FAT2: variants seen among roughly 807,000 people sequenced by gnomAD.
FAT2 encodes the protein protocadherin Fat 2.
FAT2 carries 150 observed loss-of-function variants against 295.3 expected under a neutral mutation model. That is an observed-to-expected ratio of 0.51 (90% confidence interval 0.44 to 0.58). The LOEUF is 0.58. Ranked by LOEUF, FAT2 falls within the 20% of genes least tolerant of loss-of-function variation. The pLI, the probability that FAT2 is intolerant of heterozygous loss-of-function variation, is 0.00. For missense variants in FAT2, 4,868 were observed against 5,442.7 expected, an observed-to-expected ratio of 0.89 and a Z score of 3.32; for synonymous variants, 2,026 against 2,150.3, an observed-to-expected ratio of 0.94 and a Z score of 1.60.
At chr5:151,571,430 C>T (rs771402055) in intron 1 of FAT2, among the ~76,000 whole-genome samples, 19 of 152,218 alleles carry the variant, frequency 1.2e-4, no homozygotes, top group Non-Finnish European at 2.6e-4. Flanking sequence ...TCCTGTTCAC[C>T]AGGTCAGCAC....
At chr5:151,589,642 C>G (rs772918281) in intron 1 of FAT2, among the ~76,000 whole-genome samples, 6 of 152,024 alleles carry the variant, frequency 3.9e-5, no homozygotes, top group African/African-American at 7.3e-5. Context: ...ATGCCTGTAA[C>G]CCCAGCACTT....
Position 151,567,085 on chromosome 5 carries a change from G to A in FAT2, c.1847C>T (p.Ser616Phe). The stretch of plus-strand genomic sequence containing the variant: ...AGGGCGTTTGAGGGATATCACTCCG[G>A]AGAAATGATTTAGATCAAAATACTC... ...ELEYFDLNHF[S>F]GVISLKRPFI... The change falls in exon 2 of 24, where the codon TCC (serine) becomes TTC (phenylalanine). Residue 616 changes from serine to phenylalanine, a missense_variant. This residue lies in a region of FAT2 where 3,297 missense variants were observed against 3,669.4 expected (regional missense o/e 0.90). Transcript: ENST00000261800. The A allele has an allele frequency of 6.2e-7, 1 of 1,614,120 alleles. No individual in the cohort carries two copies.
chr5:151,532,886 G>C (rs573767168), intron 13 of FAT2, among the ~76,000 whole-genome samples: 1 of 152,216 alleles, frequency 6.6e-6, no homozygotes. Context: ...GGTGACAGGA[G>C]TAGCCTCTGA....
upstream of FAT2, among the ~76,000 whole-genome samples, chr5:151,592,928 G>A (rs1303852670): frequency 6.6e-6 from 1 of 152,202 alleles, no homozygotes; most frequent in Admixed American, 6.5e-5. Context: ...TGCAGCTGCT[G>A]CAGCCACTGT....
intron 22 of FAT2, chr5:151,509,797 C>A: frequency 1.9e-6 from 1 of 528,154 alleles, no homozygotes; most frequent in African/African-American, 1.9e-5. Context: ...ATCCTGAAAC[C>A]ATCTCCCGTT....
Position 151,521,716 on chromosome 5 carries a change from G to A in FAT2, c.10877C>T (p.Ala3626Val). Residue 3626 changes from alanine to valine, a missense_variant, in exon 19 of 24, where the codon GCT (alanine) becomes GTT (valine). Physicochemically the swap from Ala to Val is moderately conservative, Grantham distance 64 (BLOSUM62 0). This residue lies in a region of FAT2 where 1,046 missense variants were observed against 1,210.1 expected (regional missense o/e 0.86). Transcript: ENST00000261800. ...HVYVWHVGQE[A>V]LQQAMWMGFY... The stretch of plus-strand genomic sequence containing the variant: ...GCCCATCCACATGGCCTGCTGCAGA[G>A]CCTCCTGCCCCACATGCCACACGTA... 6.2e-7 allele frequency: 1 copy of A among 1,613,978 alleles called. No individual in the cohort carries two copies. The highest frequency in any genetic ancestry group is 2.2e-5 in the East Asian group (1 of 44,876).
At chr5:151,510,794 A>C (rs1262708024) in intron 21 of FAT2, 1 of 152,406 alleles carries the variant, frequency 6.6e-6, no homozygotes, top group Non-Finnish European at 1.5e-5. Context: ...CTAGGCAAGA[A>C]GCTAGAGGGC....
At chr5:151,518,837 C>G (rs74798925) in intron 19 of FAT2, among the ~76,000 whole-genome samples, 2,273 of 152,266 alleles carry the variant, frequency 0.015, 53 homozygotes, top group African/African-American at 0.05. Context: ...CTGCCCTCCC[C>G]AGATTTTAAA....
rs1761224870 is a variant in FAT2, at chr5:151,510,331, C to T, written c.11906-157G>A. On this transcript the variant is annotated intron_variant, in intron 21 of 23. Transcript: ENST00000261800. The stretch of plus-strand genomic sequence containing the variant: ...CAATACCGTGCTGGGCATTGGTGCC[C>T]TGCTGAACCAAGAGCACTTTGGTCC... The T allele has an allele frequency of 1.9e-5, 15 of 789,648 alleles. No homozygotes were observed. In the South Asian group the frequency reaches 2.5e-4, roughly 13 times the overall value. 48.9% of individuals were successfully genotyped at this position (789,648 alleles called of 1,614,324 possible). A position where few individuals can be genotyped will look rare whatever the true frequency, so the allele number is the denominator to read the frequency against.
chr5:151,567,472 T>C lies in FAT2; in HGVS notation c.1460A>G (p.His487Arg), dbSNP rs1471821592. The C allele has an allele frequency of 6.8e-6, 11 of 1,614,028 alleles. No individual in the cohort carries two copies. The highest frequency in any genetic ancestry group is 2.7e-5 in the African/African-American group (2 of 74,916). The change falls in exon 2 of 24, where the codon CAT becomes CGT. Residue 487 changes from histidine to arginine, a missense_variant. By Grantham distance (29) the His-to-Arg change is conservative. This residue lies in a region of FAT2 where 3,297 missense variants were observed against 3,669.4 expected (regional missense o/e 0.90). Coordinates refer to ENST00000261800, the MANE Select transcript of FAT2 (RefSeq NM_001447.3). The stretch of plus-strand genomic sequence containing the variant: ...ATAGGTGACATATCCATTTTCCCCA[T>C]GATCCCGGTCAGTGGCAGTCACAGC... ...VLAVTATDRD[H>R]GENGYVTYSI...
At position 151,531,627 on chromosome 5, in the gene FAT2, G is replaced by T. The variant is rs751790803; in HGVS notation, c.9771C>A (p.Ser3257Arg). 1.3e-4 allele frequency: 211 copies of T among 1,613,184 alleles called. No homozygotes were observed. The highest frequency in any genetic ancestry group is 1.7e-4 in the Non-Finnish European group (202 of 1,179,954). ...GAEKTGYRVV[S>R]GNEQGRFRLD... ...GGCGGAACCTGCCTTGCTCGTTCCC[G>T]CTGACCACGCGGTAGCCGGTCTTCT... The change falls in exon 14 of 24, where the codon AGC becomes AGA. Residue 3257 changes from serine (S) to arginine (R), a missense_variant. Ser to Arg is a moderately radical substitution (Grantham distance 110). This residue lies in a region of FAT2 where 1,046 missense variants were observed against 1,210.1 expected (regional missense o/e 0.86). Coordinates refer to ENST00000261800, the MANE Select transcript of FAT2 (RefSeq NM_001447.3). The surrounding 1 kb of genome is among the most constrained non-coding windows in gnomAD (Gnocchi z 5.7).
chr5:151,566,735 G>T lies in FAT2; in HGVS notation c.2197C>A (p.Pro733Thr), dbSNP rs1001969191. Residue 733 changes from proline to threonine, a missense_variant, in exon 2 of 24, where the codon CCC becomes ACC. Physicochemically the swap from Pro to Thr is conservative, Grantham distance 38 (BLOSUM62 -1). Around this residue, in one of 5 missense-constraint regions of FAT2, gnomAD observed 3,297 missense variants for 3,669.4 expected, o/e 0.90. Transcript: ENST00000261800. Reference protein sequence around the residue: ...DVLESVPINTPLARLAATDPD... With the variant: ...DVLESVPINTTLARLAATDPD... The stretch of plus-strand genomic sequence containing the variant: ...TCAGTGGCTGCTAGGCGGGCCAAGG[G>T]GGTGTTGATAGGGACACTCTCAAGG... The T allele has an allele frequency of 1.2e-6, 2 of 1,614,180 alleles. No homozygotes were observed. Among genetic ancestry groups the T allele is most frequent in the South Asian group, 1.1e-5 (1 of 91,084 alleles).
chr5:151,554,653 C>T lies in FAT2; in HGVS notation c.3654G>A (p.Gly1218=), dbSNP rs376271920. 6 of 1,613,438 alleles carry T rather than the reference C, an allele frequency of 3.7e-6. No homozygotes were observed. The African/African-American group carries it at 6.7e-5, about 18-fold the overall frequency. Residue 1218 remains glycine, a synonymous_variant, in exon 5 of 24, where the codon GGG becomes GGA. Coordinates refer to ENST00000261800, the MANE Select transcript of FAT2 (RefSeq NM_001447.3). The part of the protein sequence containing the change: ...HILEVTVLDN[G]EPSLKSTSRV... ...TGGAGGTGGACTTCAGTGAGGGTTC[C>T]CCATTGTCCAGCACAGTCACCTGGG...
intron 9 of FAT2, 64 bp downstream of exon 9, chr5:151,549,231 A>G: frequency 6.7e-7 from 1 of 1,490,514 alleles, no homozygotes; most frequent in Non-Finnish European, 9.2e-7. Flanking sequence ...TCATGCCTCT[A>G]GTGCTTTCCT....
At chr5:151,532,999 G>A (rs540717803) in intron 13 of FAT2, among the ~76,000 whole-genome samples, 5 of 152,248 alleles carry the variant, frequency 3.3e-5, no homozygotes, top group Admixed American at 2.6e-4. Flanking sequence ...GAGAGATGCT[G>A]GTCAAACCAC....
chr5:151,546,024 T>C lies in FAT2; in HGVS notation c.5103A>G (p.Gly1701=). ...CAGAATATGAGTTCATAGAGAAGACTCCATCCTTATTTCCCTCTCTTAACT... is the reference window on the plus strand; with the variant it reads ...CAGAATATGAGTTCATAGAGAAGACCCCATCCTTATTTCCCTCTCTTAACT... ...TYELREGNKD[G]VFSMNSYSGL... is the part of the protein sequence containing the mutation. Residue 1701 remains glycine (G), a synonymous_variant, in exon 10 of 24, where the codon GGA becomes GGG. Coordinates refer to ENST00000261800, the MANE Select transcript of FAT2 (RefSeq NM_001447.3). The C allele has an allele frequency of 1.2e-6, 2 of 1,614,184 alleles. No homozygotes were observed. The highest frequency in any genetic ancestry group is 1.7e-6 in the Non-Finnish European group (2 of 1,180,024).
In FAT2 at chr5:151,550,617, C is replaced by G. The variant is rs1165863644; in HGVS notation, c.4551G>C (p.Gly1517=). 6.2e-7 allele frequency: 1 copy of G among 1,614,144 alleles called. No homozygotes were observed. Among genetic ancestry groups the G allele is most frequent in the East Asian group, 2.2e-5 (1 of 44,882 alleles). ...TGACTGTCAGTGTGTGCTGGGAGGG[C>G]CCCGAGCCGAGGTCCAATTTTCCCA... ...VTVGKLDLGS[G]PSQHTLTVMV... The change falls in exon 8 of 24, where the codon GGG becomes GGC. Residue 1517 remains glycine (G), a synonymous_variant. Coordinates refer to ENST00000261800, the MANE Select transcript of FAT2 (RefSeq NM_001447.3).
At chr5:151,532,073 T>C in intron 13 of FAT2, 103 bp from the exon 14 acceptor site, 2 of 1,458,896 alleles carry the variant, frequency 1.4e-6, no homozygotes, top group Non-Finnish European at 1.9e-6. Context: ...GGGGCTCCCA[T>C]GAAGGCGGAC....
At chr5:151,511,950 C>G (rs187748703) in intron 21 of FAT2, 9 of 578,218 alleles carry the variant, frequency 1.6e-5, no homozygotes, top group African/African-American at 7.5e-5. Context: ...CTCATCCCCC[C>G]AGAAGTAGAA....
Sources: gnomAD v4.1 joint callset for allele counts (sites outside exome capture counted in the v4.1 genomes callset) on GRCh38, gnomAD v4.1.1 for gene constraint, gnomAD v4.1.1 regional missense constraint, Gnocchi (gnomAD v3.1) non-coding constraint, MANE v1.5 for transcripts, NCBI Gene and HGNC (gene_info 2026-07-23, HGNC 2026-07-21) for gene names.